The following PRP4K variants were observed in gnomAD, a reference collection of about 807,000 sequenced individuals.
The protein encoded by PRP4K is pre-mRNA processing factor kinase PRP4K, also known as serine/threonine-protein kinase PRP4 homolog.
chr6:4,047,347 A>G, the PRP4K span: 6 of 1,042,530 alleles, frequency 5.8e-6, no homozygotes, highest in Non-Finnish European at 8.4e-6. Context: ...AATGTAATAA[A>G]TATTTTGAAC....
At chr6:4,047,901 T>TACACACAC in the PRP4K span, among the ~76,000 whole-genome samples, 202 of 142,108 alleles carry the variant, frequency 1.4e-3, 1 homozygote, top group Middle Eastern at 6.9e-3. Context: ...CATGTATATG[T>TACACACAC]ACACACACAC....
At chr6:4,022,444 A>G in the PRP4K span, among the ~76,000 whole-genome samples, 14 of 145,284 alleles carry the variant, frequency 9.6e-5, no homozygotes, top group South Asian at 1.1e-3. Context: ...CAATGTTCCT[A>G]TAGCGACCGT....
the PRP4K span, chr6:4,056,699 C>T: frequency 3.9e-6 from 6 of 1,541,180 alleles, no homozygotes; most frequent in Middle Eastern, 1.7e-4. Flanking sequence ...GTCTGATTAT[C>T]ACATTTATGG....
chr6:4,029,945 T>C, the PRP4K span, among the ~76,000 whole-genome samples: 1 of 151,764 alleles, frequency 6.6e-6, no homozygotes, highest in African/African-American at 2.4e-5. Flanking sequence ...TTTCTTTTTT[T>C]TTTTTTTTTG....
the PRP4K span, among the ~76,000 whole-genome samples, chr6:4,044,679 G>A: frequency 5.3e-5 from 8 of 151,896 alleles, no homozygotes; most frequent in Non-Finnish European, 1.0e-4. Context: ...CAGCCCTTTA[G>A]TATTCAATAT....
the PRP4K span, among the ~76,000 whole-genome samples, chr6:4,041,532 A>G: frequency 6.6e-6 from 1 of 152,198 alleles, no homozygotes; most frequent in Admixed American, 6.5e-5. Context: ...AGCCTGAGCA[A>G]AAAGAGTGAG....
the PRP4K span, chr6:4,032,457 T>C: frequency 6.2e-7 from 1 of 1,613,740 alleles, no homozygotes; most frequent in East Asian, 2.2e-5. Context: ...AGAGAGAAAA[T>C]CAAAACGGTC....
At chr6:4,043,661 T>TAG in the PRP4K span, 9,368 of 747,310 alleles carry the variant, frequency 0.013, 644 homozygotes, top group African/African-American at 0.15. Flanking sequence ...ACATAAGGGA[T>TAG]TGCAGATTTG....
chr6:4,036,180 G>A, the PRP4K span, among the ~76,000 whole-genome samples: 6 of 152,078 alleles, frequency 3.9e-5, no homozygotes, highest in African/African-American at 2.4e-5. Flanking sequence ...CTCACTGAAA[G>A]GTACTTGTGT....
At chr6:4,032,335 A>T in the PRP4K span, 3 of 1,613,930 alleles carry the variant, frequency 1.9e-6, no homozygotes, top group African/African-American at 4.0e-5. Flanking sequence ...AAATCAAAAG[A>T]TAGGAAAAAA....
chr6:4,021,688 G>C, the PRP4K span, among the ~76,000 whole-genome samples: 1 of 152,210 alleles, frequency 6.6e-6, no homozygotes, highest in East Asian at 1.9e-4. Context: ...GGCCTGCCGC[G>C]CGTCGTTGCC....
At chr6:4,038,539 C>T in the PRP4K span, among the ~76,000 whole-genome samples, 11 of 151,826 alleles carry the variant, frequency 7.2e-5, no homozygotes, top group African/African-American at 2.7e-4. Context: ...ATGATCCGCT[C>T]GTCTTGGCCC....
chr6:4,026,250 C>A, the PRP4K span, among the ~76,000 whole-genome samples: 1 of 150,148 alleles, frequency 6.7e-6, no homozygotes, highest in Non-Finnish European at 1.5e-5. Flanking sequence ...GTGATCCACC[C>A]GCCTCAGCCT....
chr6:4,041,071 A>C, the PRP4K span: 8 of 913,282 alleles, frequency 8.8e-6, no homozygotes, highest in African/African-American at 8.4e-5. Flanking sequence ...TCTTTTGTGA[A>C]TATTGTGTAG....
chr6:4,052,155 A>G, the PRP4K span: 6 of 1,454,070 alleles, frequency 4.1e-6, no homozygotes, highest in African/African-American at 4.3e-5. Context: ...TTACGATCTC[A>G]TTTTGGATAA....
At chr6:4,061,592 T>G in the PRP4K span, 2 of 152,670 alleles carry the variant, frequency 1.3e-5, no homozygotes, top group African/African-American at 4.8e-5. Context: ...TGCTTTATGG[T>G]AAAAGTGTTT....
chr6:4,053,708 A>G, the PRP4K span, among the ~76,000 whole-genome samples: 1 of 152,138 alleles, frequency 6.6e-6, no homozygotes, highest in African/African-American at 2.4e-5. Context: ...CGTGTTCGCA[A>G]CTTGGAGAAT....
chr6:4,057,844 TC>T, the PRP4K span, among the ~76,000 whole-genome samples: 1 of 144,752 alleles, frequency 6.9e-6, no homozygotes, highest in African/African-American at 2.5e-5. Flanking sequence ...AAGCTCTGCC[TC>T]CCGGGTTCAT....
chr6:4,031,723 A>G, the PRP4K span: 5 of 1,603,502 alleles, frequency 3.1e-6, no homozygotes, highest in Admixed American at 1.7e-5. Flanking sequence ...GATAAAAAAC[A>G]TAAACATAAG....
Sources: allele counts gnomAD v4.1 joint callset (sites outside exome capture counted in the v4.1 genomes callset), GRCh38; gene constraint gnomAD v4.1.1; transcripts MANE v1.5; gene names NCBI Gene and HGNC (gene_info 2026-07-23, HGNC 2026-07-21).